ITSN1: variants seen among roughly 807,000 people sequenced by gnomAD.
ITSN1 encodes intersectin-1.
ITSN1 carries 58 observed loss-of-function variants against 239.8 expected under a neutral mutation model. The observed-to-expected ratio is 0.24, with a 90% confidence interval of 0.20 to 0.30. ITSN1 has a LOEUF of 0.30. ITSN1 is among the 10% of genes least tolerant of loss of function. ITSN1 has a pLI of 1.00. For missense variants in ITSN1, 1,558 were observed against 2,103.3 expected (o/e 0.74, Z 5.07); for synonymous variants, 780 against 770.8 (o/e 1.01, Z -0.20).
chr21:33,780,162 T>C (rs1171037453), intron 14 of ITSN1, among the ~76,000 whole-genome samples: 2 of 152,232 alleles, frequency 1.3e-5, no homozygotes, highest in East Asian at 3.8e-4. Flanking sequence ...TCATAAAATA[T>C]TCTCCTGGAA....
intron 8 of ITSN1, among the ~76,000 whole-genome samples, chr21:33,758,443 C>T (rs2068071558): frequency 1.3e-5 from 2 of 152,330 alleles, no homozygotes; most frequent in Middle Eastern, 3.4e-3. Context: ...ACCCCACTGA[C>T]TATCTGGGTT....
chr21:33,720,266 C>G (rs1295545701), intron 2 of ITSN1, among the ~76,000 whole-genome samples: 1 of 152,170 alleles, frequency 6.6e-6, no homozygotes, highest in Non-Finnish European at 1.5e-5. Context: ...CATCCCAGAC[C>G]CGGTAGAGAG....
chr21:33,654,219 AT>A (rs912312736), intron 1 of ITSN1, among the ~76,000 whole-genome samples: 1,648 of 133,298 alleles, frequency 0.012, 11 homozygotes, highest in South Asian at 0.032. Context: ...CACCTGGCTA[AT>A]TTTTTTTTTT....
chr21:33,848,641 G>A (rs1310446556), intron 29 of ITSN1, among the ~76,000 whole-genome samples: 1 of 152,188 alleles, frequency 6.6e-6, no homozygotes, highest in Non-Finnish European at 1.5e-5. Flanking sequence ...GATTCCTGGT[G>A]AGGATTCAAT....
At chr21:33,695,686 C>T (rs936514965) in intron 1 of ITSN1, among the ~76,000 whole-genome samples, 1 of 152,128 alleles carries the variant, frequency 6.6e-6, no homozygotes, top group African/African-American at 2.4e-5. Context: ...GTGAACCTTT[C>T]TAAAGAAAAT....
At chr21:33,697,862 T>TAC (rs2091864620) in intron 1 of ITSN1, among the ~76,000 whole-genome samples, 1 of 152,220 alleles carries the variant, frequency 6.6e-6, no homozygotes, top group South Asian at 2.1e-4. Context: ...TCTGCATCTG[T>TAC]AGGGCTCTAC....
At chr21:33,714,187 A>G (rs535069131) in intron 1 of ITSN1, among the ~76,000 whole-genome samples, 68 of 152,384 alleles carry the variant, frequency 4.5e-4, no homozygotes, top group African/African-American at 1.5e-3. Flanking sequence ...CCTGAAAGGT[A>G]CATCTTCATT....
chr21:33,762,526 A>C (rs2068417586), intron 9 of ITSN1, among the ~76,000 whole-genome samples: 1 of 152,050 alleles, frequency 6.6e-6, no homozygotes, highest in Non-Finnish European at 1.5e-5. Context: ...CAGCCTCCCA[A>C]AGTGCTGGAA....
At chr21:33,873,464 C>A (rs566580044) in intron 33 of ITSN1, among the ~76,000 whole-genome samples, 1 of 152,304 alleles carries the variant, frequency 6.6e-6, no homozygotes, top group East Asian at 1.9e-4. Context: ...TGAGCACTTT[C>A]TAAGGGCCAG....
At chr21:33,668,725 C>G (rs1023082652) in intron 1 of ITSN1, among the ~76,000 whole-genome samples, 2 of 152,172 alleles carry the variant, frequency 1.3e-5, no homozygotes, top group South Asian at 2.1e-4. Flanking sequence ...ATATCTGTAA[C>G]TGTCCTTAAC....
At position 33,755,455 on chromosome 21, in the gene ITSN1, T is replaced by C. The variant is rs967018256; in HGVS notation, c.724+58T>C. On this transcript the variant is annotated intron_variant, in intron 8 of 39. Transcript: ENST00000381318. ...CTTTGTTTTCAATGTAAACTGTTTC[T>C]AGATATTGGGTCATAGATATTTTCC... 18 of 932,940 alleles carry C rather than the reference T, an allele frequency of 1.9e-5. No individual in the cohort carries two copies. In the African/African-American group the frequency reaches 3.0e-4, roughly 15 times the overall value. The allele number at this position is 932,940 out of a possible 1,614,324, so 57.8% of individuals were successfully genotyped here.
At chr21:33,798,129 ACT>A (rs1254068391) in intron 18 of ITSN1, among the ~76,000 whole-genome samples, 2 of 151,672 alleles carry the variant, frequency 1.3e-5, no homozygotes, top group African/African-American at 4.9e-5. Flanking sequence ...ACAGTGTCTC[ACT>A]CTGTCGCCTA....
intron 10 of ITSN1, among the ~76,000 whole-genome samples, chr21:33,767,390 G>A (rs886967268): frequency 1.3e-5 from 2 of 152,078 alleles, no homozygotes; most frequent in African/African-American, 4.8e-5. Context: ...AGAGGGCAAT[G>A]GAAATAGCAG....
intron 5 of ITSN1, among the ~76,000 whole-genome samples, chr21:33,741,292 A>G (rs993890890): frequency 7.9e-5 from 12 of 152,226 alleles, no homozygotes; most frequent in Admixed American, 6.5e-4. Flanking sequence ...AGTATAATTC[A>G]GTATAGTTAT....
chr21:33,806,962 A>T (rs1189562516), intron 20 of ITSN1, among the ~76,000 whole-genome samples: 2 of 152,266 alleles, frequency 1.3e-5, no homozygotes, highest in African/African-American at 4.8e-5. Context: ...TTTCATTTTC[A>T]TATGTTGACC....
intron 1 of ITSN1, among the ~76,000 whole-genome samples, chr21:33,662,189 CT>C (rs1004245467): frequency 8.5e-5 from 13 of 152,268 alleles, no homozygotes; most frequent in South Asian, 2.1e-4. Flanking sequence ...CTGCCTCCCC[CT>C]ATCTGTCCCT....
chr21:33,794,581 G>T, intron 17 of ITSN1, 113 bp downstream of exon 17: 1 of 1,380,806 alleles, frequency 7.2e-7, no homozygotes, highest in Non-Finnish European at 9.8e-7. Context: ...AGTCTTTAGT[G>T]TGCATGTGAA....
intron 1 of ITSN1, among the ~76,000 whole-genome samples, chr21:33,646,898 A>G (rs1202336983): frequency 6.6e-6 from 1 of 152,152 alleles, no homozygotes; most frequent in Non-Finnish European, 1.5e-5. Flanking sequence ...AGGTGGGAGA[A>G]TCACTTGAAC....
intron 14 of ITSN1, 67 bp from the exon 15 acceptor site, chr21:33,781,394 C>T: frequency 1.2e-6 from 1 of 857,292 alleles, no homozygotes; most frequent in Non-Finnish European, 2.0e-6. Context: ...TAAGCTCTGC[C>T]TGGATCTTAA....
Sources: allele counts gnomAD v4.1 joint callset (sites outside exome capture counted in the v4.1 genomes callset), GRCh38; gene constraint gnomAD v4.1.1; transcripts MANE v1.5; gene names NCBI Gene and HGNC (gene_info 2026-07-23, HGNC 2026-07-21).